EXT1: variants seen among roughly 807,000 people sequenced by gnomAD.
EXT1 encodes exostosin glycosyltransferase 1.
A neutral mutation model predicts 82.5 loss-of-function variants in EXT1; 20 were observed. The ratio of observed to expected loss-of-function variants is 0.24; its 90% CI spans 0.17 to 0.35. The LOEUF (loss-of-function observed/expected upper bound fraction) is 0.35, where lower values mean the gene tolerates loss of function less well. EXT1 is among the 10% of genes least tolerant of loss of function. The probability of loss-of-function intolerance (pLI) is 1.00; values close to 1 mark genes in which losing one functional copy is unlikely to be tolerated. For synonymous variants in EXT1, 348 were observed against 350.8 expected (o/e 0.99, Z 0.09); for missense variants, 757 against 936.5 (o/e 0.81, Z 2.50).
At chr8:118,075,895 A>G (rs1008654211) in intron 1 of EXT1, among the ~76,000 whole-genome samples, 1 of 152,116 alleles carries the variant, frequency 6.6e-6, no homozygotes, top group Non-Finnish European at 1.5e-5. Context: ...ATCAGTCCAC[A>G]TGACCCAAAC....
intron 1 of EXT1, among the ~76,000 whole-genome samples, chr8:117,864,610 A>G (rs376393735): frequency 3.3e-5 from 5 of 152,214 alleles, no homozygotes; most frequent in South Asian, 4.1e-4. Flanking sequence ...TTAGCGGGGC[A>G]TGGTGGGGTG....
intron 1 of EXT1, among the ~76,000 whole-genome samples, chr8:117,927,424 A>G (rs1315576681): frequency 7.5e-4 from 1 of 1,336 alleles, no homozygotes; most frequent in Non-Finnish European, 4.6e-3. Flanking sequence ...GGGAAAAAAA[A>G]AAAATCACAA....
At chr8:118,015,516 C>G (rs550760346) in intron 1 of EXT1, among the ~76,000 whole-genome samples, 1 of 152,128 alleles carries the variant, frequency 6.6e-6, no homozygotes, top group South Asian at 2.1e-4. Flanking sequence ...TGCTCAGAGT[C>G]CGGCAGAGAA....
intron 1 of EXT1, among the ~76,000 whole-genome samples, chr8:117,979,210 G>A (rs1053138127): frequency 2.6e-5 from 4 of 151,774 alleles, no homozygotes; most frequent in South Asian, 2.1e-4. Context: ...AAAATTGGCC[G>A]GGCACTGGGG....
intron 1 of EXT1, among the ~76,000 whole-genome samples, chr8:117,855,534 C>T (rs1373408034): frequency 6.6e-6 from 1 of 152,124 alleles, no homozygotes; most frequent in Non-Finnish European, 1.5e-5. Context: ...ACTATGCTAC[C>T]AACCAGCCAT....
At chr8:118,065,870 ACT>A in intron 1 of EXT1, among the ~76,000 whole-genome samples, 1 of 152,130 alleles carries the variant, frequency 6.6e-6, no homozygotes, top group East Asian at 1.9e-4. Flanking sequence ...TGGAGTCCTC[ACT>A]CTGCCGCTAA....
At chr8:118,049,017 G>A (rs1586363604) in intron 1 of EXT1, among the ~76,000 whole-genome samples, 1 of 151,988 alleles carries the variant, frequency 6.6e-6, no homozygotes, top group East Asian at 1.9e-4. Flanking sequence ...CCCCCCAGAA[G>A]AAATCCCAAA....
chr8:117,862,629 G>T (rs1211412555), intron 1 of EXT1, among the ~76,000 whole-genome samples: 2 of 145,418 alleles, frequency 1.4e-5, no homozygotes, highest in Non-Finnish European at 3.1e-5. Flanking sequence ...ATCTACAAAG[G>T]GGAATTAGAC....
rs34215192 is a variant in EXT1 at position 117,864,748 on chromosome 8, C to CAAAA, written c.963-27551_963-27548dup. Among the ~76,000 whole-genome samples the CAAAA allele has an allele frequency of 2.5e-3, 220 of 88,006 alleles. 2 individuals are homozygous for CAAAA. The highest frequency in any genetic ancestry group is 0.01 in the African/African-American group (205 of 19,710). 57.7% of individuals were successfully genotyped at this position (88,006 alleles called of 152,430 possible). A position where few individuals can be genotyped will look rare whatever the true frequency, so the allele number is the denominator to read the frequency against. On this transcript the variant is annotated intron_variant, in intron 1 of 10. Coordinates refer to ENST00000378204, the MANE Select transcript of EXT1 (RefSeq NM_000127.3). ...TGGGCGACAGAGCGAGACTCTGCCT[C>CAAAA]AAAAAAAAAAAAAAAATCGCAAAAA...
chr8:117,920,621 G>C (rs1024345761), intron 1 of EXT1, among the ~76,000 whole-genome samples: 6 of 152,172 alleles, frequency 3.9e-5, no homozygotes, highest in Non-Finnish European at 5.9e-5. Context: ...ACTAGTTATT[G>C]CAATCAGTGT....
chr8:118,081,652 A>G (rs1817332436), intron 1 of EXT1, among the ~76,000 whole-genome samples: 1 of 152,186 alleles, frequency 6.6e-6, no homozygotes, highest in Non-Finnish European at 1.5e-5. Context: ...TCATCCCTGC[A>G]TATACTGAGT....
intron 1 of EXT1, among the ~76,000 whole-genome samples, chr8:117,915,207 AT>A (rs1813724437): frequency 6.6e-6 from 1 of 152,224 alleles, no homozygotes; most frequent in African/African-American, 2.4e-5. Context: ...TTCCCCTGAT[AT>A]TCCACTAAGA....
At chr8:118,037,439 G>A (rs1372348270) in intron 1 of EXT1, among the ~76,000 whole-genome samples, 1 of 150,402 alleles carries the variant, frequency 6.6e-6, no homozygotes, top group African/African-American at 2.5e-5. Context: ...GTGCAGTGGT[G>A]CAATCACAGC....
rs536569486 is a variant in EXT1 at position 117,816,536 on chromosome 8, G to A, written c.1632+1899C>T. Among the ~76,000 whole-genome samples, 16 of 152,282 alleles carry A rather than the reference G, an allele frequency of 1.1e-4. 1 individual carries two copies. In the South Asian group the frequency reaches 2.1e-3, roughly 20 times the overall value. The stretch of plus-strand genomic sequence containing the variant: ...GACATAGGAAGAACCCAGCCCACTG[G>A]ATTCAGTGCCCAAGGTGGAGGCAAG... On this transcript the variant is annotated intron_variant, in intron 7 of 10. Transcript: ENST00000378204.
intron 1 of EXT1, among the ~76,000 whole-genome samples, chr8:117,875,333 A>T (rs977677031): frequency 2.6e-5 from 4 of 152,212 alleles, no homozygotes; most frequent in Admixed American, 2.6e-4. Flanking sequence ...AGGCAGGAGA[A>T]CCGCTTGAAC....
At chr8:117,838,014 A>T (rs17474679) in intron 1 of EXT1, among the ~76,000 whole-genome samples, 13,686 of 152,206 alleles carry the variant, frequency 0.09, 790 homozygotes, top group African/African-American at 0.17. Context: ...TATGCCAGTG[A>T]AGTTTAAGAA....
chr8:118,107,471 T>C (rs1817820927), intron 1 of EXT1, among the ~76,000 whole-genome samples: 1 of 152,172 alleles, frequency 6.6e-6, no homozygotes, highest in Non-Finnish European at 1.5e-5. Flanking sequence ...AAGTCAAACT[T>C]ACACAGATCA....
chr8:117,878,640 A>G (rs1813009589), intron 1 of EXT1, among the ~76,000 whole-genome samples: 1 of 152,248 alleles, frequency 6.6e-6, no homozygotes, highest in Non-Finnish European at 1.5e-5. Context: ...TTAAAGAAGG[A>G]GAAAGATTTC....
At chr8:117,932,942 A>G (rs1366817387) in intron 1 of EXT1, among the ~76,000 whole-genome samples, 1 of 152,138 alleles carries the variant, frequency 6.6e-6, no homozygotes, top group Non-Finnish European at 1.5e-5. Flanking sequence ...ATGCAAACTT[A>G]ACGTGCTCCT....
Sources: gnomAD v4.1 joint callset for allele counts (sites outside exome capture counted in the v4.1 genomes callset) on GRCh38, gnomAD v4.1.1 for gene constraint, MANE v1.5 for transcripts, NCBI Gene and HGNC (gene_info 2026-07-23, HGNC 2026-07-21) for gene names.